The following GRK6 variants were observed in gnomAD, a reference collection of about 807,000 sequenced individuals.
The protein encoded by GRK6 is G protein-coupled receptor kinase 6.
Under a neutral mutation model 80.8 loss-of-function variants are expected in GRK6, and 37 were observed. That is an observed-to-expected ratio of 0.46 (90% CI 0.35 to 0.60). GRK6 has a LOEUF of 0.60. GRK6 is among the 20% of genes least tolerant of loss of function. The pLI is 0.00. For synonymous variants in GRK6, 295 were observed against 320.9 expected, an observed-to-expected ratio of 0.92 and a Z score of 0.86; for missense variants, 560 against 784.6, an observed-to-expected ratio of 0.71 and a Z score of 3.42.
intron 2 of GRK6, among the ~76,000 whole-genome samples, 184 bp downstream of exon 2, chr5:177,431,151 C>T (rs1199671557): frequency 1.3e-5 from 2 of 152,230 alleles, no homozygotes; most frequent in African/African-American, 2.4e-5. Context: ...GGAGAGCAGA[C>T]AGCAAACAGG....
rs1445765443 is a variant in GRK6, at chr5:177,426,794, G to C, written c.-52G>C. On this transcript the variant is annotated 5_prime_UTR_variant, in exon 1 of 16. Transcript: ENST00000355472. The stretch of plus-strand genomic sequence containing the variant: ...ATCGCCATCCGGCCTCGGCACTCGC[G>C]CGCGATCCCGGCCGGCGGCGCGGCC... 9.5e-7 allele frequency: 1 copy of C among 1,053,488 alleles called. No individual in the cohort carries two copies. The highest frequency in any genetic ancestry group is 1.7e-5 in the African/African-American group (1 of 58,608). The allele number at this position is 1,053,488 out of a possible 1,614,324, so 65.3% of individuals were successfully genotyped here. A position where few individuals can be genotyped will look rare whatever the true frequency, so the allele number is the denominator to read the frequency against.
At chr5:177,441,171 GC>G in intron 15 of GRK6, 118 bp downstream of exon 15, 1 of 1,485,454 alleles carries the variant, frequency 6.7e-7, no homozygotes, top group Non-Finnish European at 9.2e-7. Context: ...CTGTTGTGGT[GC>G]CCAGGGTCTC....
At position 177,429,355 on chromosome 5, in the gene GRK6, CTT is replaced by C. The variant is rs956096120; in HGVS notation, c.53-1515_53-1514del. Among the ~76,000 whole-genome samples the C allele has an allele frequency of 6.6e-6, 1 of 151,942 alleles. No individual in the cohort carries two copies. Among genetic ancestry groups the C allele is most frequent in the Non-Finnish European group, 1.5e-5 (1 of 67,984 alleles). On this transcript the variant is annotated intron_variant, in intron 1 of 15. Transcript: ENST00000355472. The surrounding 1 kb of genome is among the most constrained non-coding windows in gnomAD (Gnocchi z 4.3). ...CAGGACAGGATATTTGCATGTGACT[CTT>C]TGCTGCTGCCTTGATGTGGCTGGGA...
rs748613720 is a variant in GRK6 at position 177,434,124 on chromosome 5, C to G, written c.929+20C>G. 1 of 1,527,794 alleles carries G rather than the reference C, an allele frequency of 6.5e-7. No homozygotes were observed. Among genetic ancestry groups the G allele is most frequent in the Non-Finnish European group, 8.8e-7 (1 of 1,139,488 alleles). The allele number at this position is 1,527,794 out of a possible 1,614,324, so 94.6% of individuals were successfully genotyped here. A position where few individuals can be genotyped will look rare whatever the true frequency, so the allele number is the denominator to read the frequency against. On this transcript the variant is annotated intron_variant, in intron 9 of 15. Transcript: ENST00000355472. ...GTACAGGTGGGGAGGGCTCGGCCAC[C>G]CCAGGGGCTTAGTCCTTCCCTGCCA...
At chr5:177,433,083 A>C (rs544599016) in intron 5 of GRK6, 64 bp from the exon 6 acceptor site, 152 of 1,430,950 alleles carry the variant, frequency 1.1e-4, no homozygotes, top group Non-Finnish European at 1.4e-4. Context: ...GGCCTGGCCC[A>C]GCAAGCCAAG....
Position 177,441,478 on chromosome 5 carries a change from A to C in GRK6, c.1678-259A>C, listed in dbSNP as rs1043859865. ...AGCCCCAGGGGAGAGGGCTGGGCAG[A>C]GGCCTTGCCCTGGCAGACCGTGGGA... On this transcript the variant is annotated intron_variant, in intron 15 of 15. Coordinates refer to ENST00000355472, the MANE Select transcript of GRK6 (RefSeq NM_001004106.3). The C allele has an allele frequency of 6.4e-6, 4 of 627,606 alleles. No individual in the cohort carries two copies. In the Admixed American group the frequency reaches 1.2e-4, roughly 18 times the overall value. 38.9% of individuals were successfully genotyped at this position (627,606 alleles called of 1,614,324 possible). A position where few individuals can be genotyped will look rare whatever the true frequency, so the allele number is the denominator to read the frequency against.
At chr5:177,433,855 GC>G in intron 8 of GRK6, 58 bp from the exon 9 acceptor site, 1 of 1,500,618 alleles carries the variant, frequency 6.7e-7, no homozygotes, top group Non-Finnish European at 8.9e-7. Flanking sequence ...TTTTTGGGCA[GC>G]CCTGCCGCCA....
At position 177,437,874 on chromosome 5, in the gene GRK6, G is replaced by T. The variant is rs189205818; in HGVS notation, c.1404+1344G>T. 8.9e-4 allele frequency among the ~76,000 whole-genome samples: 135 copies of T among 152,340 alleles called. 3 individuals are homozygous for T. The highest frequency in any genetic ancestry group is 7.9e-4 in the Non-Finnish European group (54 of 68,032). The stretch of plus-strand genomic sequence containing the variant: ...AACACTGGAGAGGCCCGAAGGATGG[G>T]CAGGGCAGGCCAGGTTGATAGCTGT... On this transcript the variant is annotated intron_variant, in intron 13 of 15. Coordinates refer to ENST00000355472, the MANE Select transcript of GRK6 (RefSeq NM_001004106.3).
At chr5:177,432,141 G>A in intron 3 of GRK6, 34 bp downstream of exon 3, 1 of 1,607,592 alleles carries the variant, frequency 6.2e-7, no homozygotes, top group Non-Finnish European at 8.5e-7. Context: ...AGCCCCGCGG[G>A]TGGCCGAGGT....
At chr5:177,437,045 C>T (rs1764193304) in intron 13 of GRK6, among the ~76,000 whole-genome samples, 1 of 152,054 alleles carries the variant, frequency 6.6e-6, no homozygotes, top group Non-Finnish European at 1.5e-5. Flanking sequence ...ACCTCTGCCT[C>T]CCAGGTTCAA....
Position 177,434,077 on chromosome 5 carries a change from A to C in GRK6, c.902A>C (p.Asp301Ala), listed in dbSNP as rs150356729. Reference sequence around the variant, plus strand: ...GCCGAGATCTGCTGTGGCCTGGAGGACCTGCACCGGGAGCGCATCGTGTAC... The same window carrying C: ...GCCGAGATCTGCTGTGGCCTGGAGGCCCTGCACCGGGAGCGCATCGTGTAC... ...YAAEICCGLE[D>A]LHRERIVYRD... The change falls in exon 9 of 16, where the codon GAC (aspartate) becomes GCC (alanine). Residue 301 changes from aspartate to alanine, a missense_variant. Transcript: ENST00000355472. 6.1e-5 allele frequency: 97 copies of C among 1,598,420 alleles called. No individual in the cohort carries two copies. Among genetic ancestry groups the C allele is most frequent in the Non-Finnish European group, 8.1e-5 (95 of 1,173,280 alleles).
At chr5:177,437,128 T>C (rs1764197448) in intron 13 of GRK6, among the ~76,000 whole-genome samples, 1 of 152,050 alleles carries the variant, frequency 6.6e-6, no homozygotes. Context: ...CTAATTTTTG[T>C]ATTTTTAGTA....
chr5:177,432,825 A>G lies in GRK6; in HGVS notation c.440+19A>G. 6.3e-7 allele frequency: 1 copy of G among 1,578,648 alleles called. No individual in the cohort carries two copies. Among genetic ancestry groups the G allele is most frequent in the African/African-American group, 1.3e-5 (1 of 74,304 alleles). ...TCACCCGGTAAGCCTGTCCCTGCCC[A>G]CAAGCCTGGAATTATGCCCAGCGGA... is the stretch of plus-strand genomic sequence containing the variant. On this transcript the variant is annotated intron_variant, in intron 5 of 15. Coordinates refer to ENST00000355472, the MANE Select transcript of GRK6 (RefSeq NM_001004106.3).
At chr5:177,426,423 A>G (rs1763669270), upstream of GRK6, 1 of 152,180 alleles carries the variant, frequency 6.6e-6, no homozygotes, top group African/African-American at 2.4e-5. Context: ...GCAGTTTGGT[A>G]TCCTACGAAA....
At chr5:177,434,151 C>T (rs773655760) in intron 9 of GRK6, 47 bp downstream of exon 9, 7 of 1,475,886 alleles carry the variant, frequency 4.7e-6, no homozygotes, top group Non-Finnish European at 1.8e-6. Flanking sequence ...TCCCTGCCAG[C>T]GACTGCAGCT....
chr5:177,439,513 C>A (rs1260062517), intron 13 of GRK6, among the ~76,000 whole-genome samples: 2 of 148,268 alleles, frequency 1.3e-5, no homozygotes, highest in Non-Finnish European at 3.0e-5. Context: ...GCACTCCAGG[C>A]TGGGCAACAA....
chr5:177,433,478 CT>C (rs935291658), intron 7 of GRK6, 57 bp from the exon 8 acceptor site: 4 of 1,612,102 alleles, frequency 2.5e-6, no homozygotes, highest in East Asian at 4.5e-5. Context: ...GGACCACCCC[CT>C]GGATGCCCAG....
chr5:177,440,814 G>A lies in GRK6; in HGVS notation c.1519G>A (p.Val507Met). The change falls in exon 14 of 16, where the codon GTG (valine) becomes ATG (methionine). Residue 507 changes from valine (V) to methionine (M), a missense_variant. This residue lies in a region of GRK6 where 294 missense variants were observed against 397.4 expected (regional missense o/e 0.74). Transcript: ENST00000355472. ...CTACCAGAAGTTTGCCACAGGCAGT[G>A]TGCCCATCCCCTGGCAGAACGAGGT... is the stretch of plus-strand genomic sequence containing the variant. Reference protein sequence around the residue: ...DFYQKFATGSVPIPWQNEMVE... With the variant: ...DFYQKFATGSMPIPWQNEMVE... 1 of 1,614,128 alleles carries A rather than the reference G, an allele frequency of 6.2e-7. No homozygotes were observed.
In GRK6 at chr5:177,432,386, G is replaced by A. The variant is rs1276755814; in HGVS notation, c.339+76G>A. 7 of 1,378,498 alleles carry A rather than the reference G, an allele frequency of 5.1e-6. No individual in the cohort carries two copies. The East Asian group carries it at 1.4e-4, about 27-fold the overall frequency. 85.4% of individuals were successfully genotyped at this position (1,378,498 alleles called of 1,614,324 possible). A position where few individuals can be genotyped will look rare whatever the true frequency, so the allele number is the denominator to read the frequency against. ...AGGCACAGGAGTGACCACAGTGTCA[G>A]GCTTCTGAGGGTGGTCTCTTCATAC... On this transcript the variant is annotated intron_variant, in intron 4 of 15. Coordinates refer to ENST00000355472, the MANE Select transcript of GRK6 (RefSeq NM_001004106.3).
Sources: allele counts gnomAD v4.1 joint callset (sites outside exome capture counted in the v4.1 genomes callset), GRCh38; gene constraint gnomAD v4.1.1; regional missense constraint gnomAD v4.1.1; non-coding constraint Gnocchi (gnomAD v3.1); transcripts MANE v1.5; gene names NCBI Gene and HGNC (gene_info 2026-07-23, HGNC 2026-07-21).